The following MYBL2 variants were observed in gnomAD, a reference collection of about 807,000 sequenced individuals.
MYBL2 encodes MYB proto-oncogene like 2, also known as myb-related protein B.
Under a neutral mutation model 79.9 loss-of-function variants are expected in MYBL2, and 28 were observed. That is an observed-to-expected ratio of 0.35 (90% CI 0.26 to 0.48). The LOEUF is 0.48. MYBL2 is among the 20% of genes least tolerant of loss of function. The pLI is 0.99. For missense variants in MYBL2, 735 were observed against 893.9 expected, an observed-to-expected ratio of 0.82 and a Z score of 2.27; for synonymous variants, 378 against 361.2, an observed-to-expected ratio of 1.05 and a Z score of -0.53.
At chr20:43,692,017 A>C in intron 5 of MYBL2, 140 bp from the exon 6 acceptor site, 1 of 711,034 alleles carries the variant, frequency 1.4e-6, no homozygotes, top group Admixed American at 2.8e-5. Context: ...TTCATCTTGG[A>C]ACTGAAAGAG....
chr20:43,696,977 A>T (rs1252381571), intron 6 of MYBL2, among the ~76,000 whole-genome samples: 1 of 152,294 alleles, frequency 6.6e-6, no homozygotes, highest in Non-Finnish European at 1.5e-5. Flanking sequence ...TCCCCGCCTC[A>T]GTCTCCCAAA....
chr20:43,712,949 C>T (rs1987942940), intron 11 of MYBL2, 53 bp from the exon 12 acceptor site: 6 of 1,407,104 alleles, frequency 4.3e-6, no homozygotes, highest in Non-Finnish European at 5.9e-6. Flanking sequence ...CAGGTGCTGA[C>T]CATGGGGAAT....
chr20:43,681,967 GA>G, intron 3 of MYBL2, 112 bp downstream of exon 3: 1 of 1,141,042 alleles, frequency 8.8e-7, no homozygotes. Flanking sequence ...CTCAGCCCCT[GA>G]AAACAAAACC....
chr20:43,675,017 C>T (rs1048789664), intron 2 of MYBL2, among the ~76,000 whole-genome samples: 8 of 151,868 alleles, frequency 5.3e-5, no homozygotes, highest in African/African-American at 1.2e-4. Flanking sequence ...GGTTTTTGCT[C>T]TGTCACCCAG....
intron 11 of MYBL2, among the ~76,000 whole-genome samples, chr20:43,712,225 G>A (rs1213713917): frequency 6.6e-6 from 1 of 152,158 alleles, no homozygotes. Context: ...GACAGTGCGC[G>A]ATCCCTTCGA....
intron 1 of MYBL2, among the ~76,000 whole-genome samples, chr20:43,670,170 C>T (rs1313395613): frequency 1.3e-5 from 2 of 152,214 alleles, no homozygotes; most frequent in African/African-American, 4.8e-5. Flanking sequence ...GACATCATTT[C>T]ATCCTTGAAA....
At chr20:43,680,561 G>A (rs1275993584) in intron 2 of MYBL2, among the ~76,000 whole-genome samples, 1 of 151,986 alleles carries the variant, frequency 6.6e-6, no homozygotes, top group Non-Finnish European at 1.5e-5. Context: ...GCAGTGGCAT[G>A]ATCTCGGCTC....
chr20:43,667,566 G>A (rs913699594), intron 1 of MYBL2, among the ~76,000 whole-genome samples: 3 of 152,120 alleles, frequency 2.0e-5, no homozygotes, highest in African/African-American at 7.2e-5. Flanking sequence ...CTTGGGACCC[G>A]GGCCAAGCCG....
At chr20:43,673,674 A>C in intron 1 of MYBL2, 132 bp from the exon 2 acceptor site, 1 of 842,666 alleles carries the variant, frequency 1.2e-6, no homozygotes, top group Non-Finnish European at 2.1e-6. Flanking sequence ...CTATGTCTTA[A>C]AAAGAAGAAA....
chr20:43,667,270 T>TCCGGG lies in MYBL2; in HGVS notation c.-8_-4dup. The TCCGGG allele has an allele frequency of 3.3e-6, 4 of 1,221,482 alleles. No individual in the cohort carries two copies. Among genetic ancestry groups the TCCGGG allele is most frequent in the Non-Finnish European group, 4.1e-6 (4 of 982,326 alleles). The allele number at this position is 1,221,482 out of a possible 1,614,324, so 75.7% of individuals were successfully genotyped here. Reference sequence around the variant, plus strand: ...CGGCGGGCGGGCGAGCGCGGCGCGGTCCGGGCCGGGGGGATGTCTCGGCGG... The same window carrying TCCGGG: ...CGGCGGGCGGGCGAGCGCGGCGCGGTCCGGGCCGGGCCGGGGGGATGTCTCGGCGG... On this transcript the variant is annotated 5_prime_UTR_variant, in exon 1 of 14. Coordinates refer to ENST00000217026, the MANE Select transcript of MYBL2 (RefSeq NM_002466.4).
intron 6 of MYBL2, among the ~76,000 whole-genome samples, chr20:43,698,678 T>G (rs1416556838): frequency 6.7e-6 from 1 of 149,354 alleles, no homozygotes; most frequent in Admixed American, 6.7e-5. Flanking sequence ...TTTTTTTTTT[T>G]TTTTTAAATG....
chr20:43,693,527 G>A (rs1987464011), intron 6 of MYBL2, among the ~76,000 whole-genome samples: 1 of 151,780 alleles, frequency 6.6e-6, no homozygotes, highest in Admixed American at 6.6e-5. Flanking sequence ...TTAGAGATGG[G>A]GGTCTCACCA....
At chr20:43,679,673 T>A (rs1189769681) in intron 2 of MYBL2, among the ~76,000 whole-genome samples, 1 of 152,024 alleles carries the variant, frequency 6.6e-6, no homozygotes, top group Non-Finnish European at 1.5e-5. Flanking sequence ...CCCAGCACTT[T>A]GGGAGGCCGA....
intron 3 of MYBL2, 111 bp downstream of exon 3, chr20:43,681,966 T>A (rs1987154902): frequency 8.7e-7 from 1 of 1,148,710 alleles, no homozygotes. Context: ...ACTCAGCCCC[T>A]GAAAACAAAA....
At position 43,711,555 on chromosome 20, in the gene MYBL2, T is replaced by C; in HGVS notation, c.1673T>C (p.Ile558Thr). 6.2e-7 allele frequency: 1 copy of C among 1,613,576 alleles called. No individual in the cohort carries two copies. The highest frequency in any genetic ancestry group is 8.5e-7 in the Non-Finnish European group (1 of 1,179,842). ...CGTTCTGAGGCTGGCATCGAACTCA[T>C]CATCGAGGACGACATCAGGCCCGAG... The part of the protein sequence containing the change: ...VLRSEAGIEL[I>T]IEDDIRPEKQ... The change falls in exon 11 of 14, where the codon ATC (isoleucine) becomes ACC (threonine). Residue 558 changes from isoleucine to threonine, a missense_variant. By Grantham distance (89) the Ile-to-Thr change is moderately conservative. Transcript: ENST00000217026.
chr20:43,715,201 T>G lies in MYBL2; in HGVS notation c.1892T>G (p.Leu631Arg). The change falls in exon 13 of 14, where the codon CTC becomes CGC. Residue 631 changes from leucine to arginine, a missense_variant. Around this residue, in one of 5 missense-constraint regions of MYBL2, gnomAD observed 204 missense variants for 202.9 expected, o/e 1.01. Transcript: ENST00000217026. Reference sequence around the variant, plus strand: ...GGTATCAAAGAAGACAACAGCTTGCTCAACCAGGGCTTCTTGCAGGCCAAG... The same window carrying G: ...GGTATCAAAGAAGACAACAGCTTGCGCAACCAGGGCTTCTTGCAGGCCAAG... Reference protein sequence around the residue: ...LSGIKEDNSLLNQGFLQAKPE... With the variant: ...LSGIKEDNSLRNQGFLQAKPE... The G allele has an allele frequency of 6.2e-7, 1 of 1,614,248 alleles. No individual in the cohort carries two copies. The highest frequency in any genetic ancestry group is 8.5e-7 in the Non-Finnish European group (1 of 1,180,052).
intron 3 of MYBL2, 81 bp downstream of exon 3, chr20:43,681,936 A>G: frequency 6.9e-7 from 1 of 1,447,188 alleles, no homozygotes; most frequent in Non-Finnish European, 9.6e-7. Flanking sequence ...TTTGCCAAGG[A>G]GGGGAAAAGG....
At chr20:43,674,900 T>G (rs977263628) in intron 2 of MYBL2, among the ~76,000 whole-genome samples, 1 of 152,194 alleles carries the variant, frequency 6.6e-6, no homozygotes, top group Non-Finnish European at 1.5e-5. Context: ...CTGAATTGGT[T>G]TCCTTCTAGC....
chr20:43,676,613 C>T (rs57669057), intron 2 of MYBL2, among the ~76,000 whole-genome samples: 3,849 of 152,266 alleles, frequency 0.025, 194 homozygotes, highest in African/African-American at 0.087. Context: ...TCGTGTATAG[C>T]GCTACCTTGA....
Sources: allele counts gnomAD v4.1 joint callset (sites outside exome capture counted in the v4.1 genomes callset), GRCh38; gene constraint gnomAD v4.1.1; regional missense constraint gnomAD v4.1.1; transcripts MANE v1.5; gene names NCBI Gene and HGNC (gene_info 2026-07-23, HGNC 2026-07-21).